DHCR24: variants seen among roughly 807,000 people sequenced by gnomAD.
DHCR24 encodes 24-dehydrocholesterol reductase.
In DHCR24, 28 loss-of-function variants were observed where a neutral mutation model predicts 61.2. That is an observed-to-expected ratio of 0.46 (90% confidence interval 0.34 to 0.63). DHCR24 has a LOEUF of 0.63. DHCR24 is among the 20% of genes least tolerant of loss of function. The probability of loss-of-function intolerance (pLI) is 0.01; values close to 1 mark genes in which losing one functional copy is unlikely to be tolerated. For missense variants in DHCR24, 538 were observed against 679.1 expected, an observed-to-expected ratio of 0.79 and a Z score of 2.31; for synonymous variants, 261 against 275.9, an observed-to-expected ratio of 0.95 and a Z score of 0.54.
chr1:54,852,846 C>A (rs950590499), intron 8 of DHCR24, among the ~76,000 whole-genome samples: 1 of 152,162 alleles, frequency 6.6e-6, no homozygotes, highest in African/African-American at 2.4e-5. Context: ...TTCCCCATGC[C>A]CCTTAGTTAT....
At chr1:54,857,573 G>C (rs1016877781) in intron 6 of DHCR24, among the ~76,000 whole-genome samples, 4 of 152,200 alleles carry the variant, frequency 2.6e-5, no homozygotes, top group Non-Finnish European at 5.9e-5. Context: ...GAAGTAAAAA[G>C]AGTTTATGCA....
intron 8 of DHCR24, among the ~76,000 whole-genome samples, 158 bp from the exon 9 acceptor site, chr1:54,852,544 T>G (rs1378754601): frequency 6.6e-6 from 1 of 152,180 alleles, no homozygotes; most frequent in Non-Finnish European, 1.5e-5. Flanking sequence ...GCAGGTATTC[T>G]TATCCCCCTT....
rs559169714 is a variant in DHCR24 at position 54,854,367 on chromosome 1, A to G, written c.1021-133T>C. 8.0e-5 allele frequency: 59 copies of G among 737,960 alleles called. No individual in the cohort carries two copies. In the African/African-American group the frequency reaches 9.5e-4, roughly 12 times the overall value. 45.7% of individuals were successfully genotyped at this position (737,960 alleles called of 1,614,324 possible). On this transcript the variant is annotated intron_variant, in intron 6 of 8. Transcript: ENST00000371269. ...GCCTGAGTCCAATTCCCCTCTTTGG[A>G]GGGGGTGTGATGGGACCTAGGACTT...
intron 1 of DHCR24, among the ~76,000 whole-genome samples, chr1:54,885,396 A>C (rs958734853): frequency 5.9e-5 from 9 of 152,162 alleles, no homozygotes; most frequent in Non-Finnish European, 1.3e-4. Context: ...CAGCTATTAC[A>C]AGCCAGGTGT....
chr1:54,856,043 C>CA (rs1318010119), intron 6 of DHCR24, among the ~76,000 whole-genome samples: 3 of 151,958 alleles, frequency 2.0e-5, no homozygotes, highest in African/African-American at 4.8e-5. Context: ...AAACAGAAAG[C>CA]AAAAAAACCT....
In DHCR24 at chr1:54,852,223, G is replaced by A. The variant is rs369641877; in HGVS notation, c.*10C>T. 45 of 1,614,026 alleles carry A rather than the reference G, an allele frequency of 2.8e-5. No individual in the cohort carries two copies. In the African/African-American group the frequency reaches 3.5e-4, roughly 12 times the overall value. The stretch of plus-strand genomic sequence containing the variant: ...CTCACACGTGTCTGTCTCTCCAGGC[G>A]GGCTCCAGCTCAGTGCCTGGCGGCC... On this transcript the variant is annotated 3_prime_UTR_variant, in exon 9 of 9. Coordinates refer to ENST00000371269, the MANE Select transcript of DHCR24 (RefSeq NM_014762.4).
chr1:54,860,892 G>A (rs546710109), intron 6 of DHCR24, among the ~76,000 whole-genome samples: 2 of 151,992 alleles, frequency 1.3e-5, no homozygotes, highest in African/African-American at 4.8e-5. Context: ...GGGGGCTGAG[G>A]CAGGAGAATG....
chr1:54,860,365 C>T (rs1437989919), intron 6 of DHCR24, among the ~76,000 whole-genome samples: 1 of 152,312 alleles, frequency 6.6e-6, no homozygotes, highest in African/African-American at 2.4e-5. Context: ...CATTCTCAGT[C>T]TCTTCTCTGA....
At chr1:54,865,205 T>G in intron 6 of DHCR24, 98 bp downstream of exon 6, 1 of 1,463,654 alleles carries the variant, frequency 6.8e-7, no homozygotes, top group Non-Finnish European at 9.3e-7. Context: ...AAGCCACTCT[T>G]TACCCTGAAG....
rs904202773 is a variant in DHCR24 at position 54,887,185 on chromosome 1, T to A, written c.-66A>T. On this transcript the variant is annotated 5_prime_UTR_variant, in exon 1 of 9. Transcript: ENST00000371269. Reference sequence around the variant, plus strand: ...CTGTCACTGCCGCCAGCTCCGCGCCTGGCCCGCTCTGCGCCTGTAGCCCAC... The same window carrying A: ...CTGTCACTGCCGCCAGCTCCGCGCCAGGCCCGCTCTGCGCCTGTAGCCCAC... 1 of 1,378,364 alleles carries A rather than the reference T, an allele frequency of 7.3e-7. No individual in the cohort carries two copies. The highest frequency in any genetic ancestry group is 1.4e-5 in the African/African-American group (1 of 69,128). The allele number at this position is 1,378,364 out of a possible 1,614,324, so 85.4% of individuals were successfully genotyped here. A position where few individuals can be genotyped will look rare whatever the true frequency, so the allele number is the denominator to read the frequency against.
chr1:54,886,771 C>A, intron 1 of DHCR24, 118 bp downstream of exon 1: 1 of 1,491,626 alleles, frequency 6.7e-7, no homozygotes, highest in Non-Finnish European at 9.0e-7. Context: ...CAGCTCCCCA[C>A]CCCCCCAGGA....
intron 2 of DHCR24, among the ~76,000 whole-genome samples, chr1:54,878,498 G>A (rs1481500554): frequency 1.1e-5 from 1 of 92,690 alleles, no homozygotes; most frequent in Non-Finnish European, 1.9e-5. Flanking sequence ...TGGGCAACAA[G>A]AGTGAAACTC....
At chr1:54,886,732 T>G in intron 1 of DHCR24, 157 bp downstream of exon 1, 2 of 1,317,106 alleles carry the variant, frequency 1.5e-6, no homozygotes, top group Admixed American at 2.2e-5. Flanking sequence ...CCATCACATT[T>G]TTGTTTCGTT....
chr1:54,869,884 A>G (rs1434852201), intron 5 of DHCR24, among the ~76,000 whole-genome samples: 5 of 152,076 alleles, frequency 3.3e-5, no homozygotes, highest in African/African-American at 1.2e-4. Flanking sequence ...GGTGAACTCC[A>G]TTTCTACTAA....
At chr1:54,879,352 A>AAAAAAAAAACAAAAAAAAAAAAG in intron 2 of DHCR24, among the ~76,000 whole-genome samples, 1 of 128,162 alleles carries the variant, frequency 7.8e-6, no homozygotes, top group Non-Finnish European at 1.6e-5. Context: ...AAAAAAAAAA[A>AAAAAAAAAACAAAAAAAAAAAAG]TCCAAATCAA....
At chr1:54,860,880 C>CG (rs34162931) in intron 6 of DHCR24, among the ~76,000 whole-genome samples, 30 of 151,078 alleles carry the variant, frequency 2.0e-4, no homozygotes, top group Non-Finnish European at 3.7e-4. Flanking sequence ...CCCAGCTACT[C>CG]GGGGGGCTGA....
intron 2 of DHCR24, among the ~76,000 whole-genome samples, chr1:54,879,352 A>AAAG (rs573285056): frequency 1.6e-4 from 20 of 128,230 alleles, no homozygotes; most frequent in African/African-American, 6.2e-4. Context: ...AAAAAAAAAA[A>AAAG]TCCAAATCAA....
At position 54,883,859 on chromosome 1, in the gene DHCR24, G is replaced by T; in HGVS notation, c.232-86C>A. 6.4e-7 allele frequency: 1 copy of T among 1,566,930 alleles called. No individual in the cohort carries two copies. ...CCCTGCTTTCTTCAAGGGCGAGCTG[G>T]GAATGATGCCTCCATCAGGCACTGG... is the stretch of plus-strand genomic sequence containing the variant. On this transcript the variant is annotated intron_variant, in intron 1 of 8. Coordinates refer to ENST00000371269, the MANE Select transcript of DHCR24 (RefSeq NM_014762.4). The surrounding 1 kb of genome is among the most constrained non-coding windows in gnomAD (Gnocchi z 4.3).
rs1359370258 is a variant in DHCR24, at chr1:54,887,163, T to C, written c.-44A>G. 2 of 1,500,508 alleles carry C rather than the reference T, an allele frequency of 1.3e-6. No homozygotes were observed. The highest frequency in any genetic ancestry group is 2.4e-5 in the South Asian group (2 of 82,902). 92.9% of individuals were successfully genotyped at this position (1,500,508 alleles called of 1,614,324 possible). A position where few individuals can be genotyped will look rare whatever the true frequency, so the allele number is the denominator to read the frequency against. Reference sequence around the variant, plus strand: ...AAGCGCTGCGGGTTCGCGCCTCCTGTCACTGCCGCCAGCTCCGCGCCTGGC... The same window carrying C: ...AAGCGCTGCGGGTTCGCGCCTCCTGCCACTGCCGCCAGCTCCGCGCCTGGC... On this transcript the variant is annotated 5_prime_UTR_variant, in exon 1 of 9. Coordinates refer to ENST00000371269, the MANE Select transcript of DHCR24 (RefSeq NM_014762.4).
Sources: gnomAD v4.1 joint callset for allele counts (sites outside exome capture counted in the v4.1 genomes callset) on GRCh38, gnomAD v4.1.1 for gene constraint, Gnocchi (gnomAD v3.1) non-coding constraint, MANE v1.5 for transcripts, NCBI Gene and HGNC (gene_info 2026-07-23, HGNC 2026-07-21) for gene names.